The following CELSR1 variants were observed in gnomAD, a reference collection of about 807,000 sequenced individuals.
CELSR1 encodes the protein cadherin EGF LAG seven-pass G-type receptor 1, also known as adhesion G protein-coupled receptor C1.
In CELSR1, 110 loss-of-function variants were observed where a neutral mutation model predicts 249.1. The ratio of observed to expected loss-of-function variants is 0.44; its 90% CI spans 0.38 to 0.52. CELSR1 has a LOEUF of 0.52. Ranked by LOEUF, CELSR1 falls within the 20% of genes least tolerant of loss-of-function variation. The pLI is 0.00. For synonymous variants in CELSR1, 2,113 were observed against 1,900.0 expected (o/e 1.11, Z -2.92); for missense variants, 4,109 against 4,296.4 (o/e 0.96, Z 1.22).
chr22:46,481,867 G>T lies in CELSR1; in HGVS notation c.3545-17522C>A, dbSNP rs748357948. On this transcript the variant is annotated intron_variant, in intron 1 of 34. Coordinates refer to ENST00000674500, the MANE Select transcript of CELSR1 (RefSeq NM_001378328.1). ...AGCTCACTGCAACCTCTGCCTCCCGGGTTCAAGAGATTCTCCTGCCTCAGC... is the reference window on the plus strand; with the variant it reads ...AGCTCACTGCAACCTCTGCCTCCCGTGTTCAAGAGATTCTCCTGCCTCAGC... 157 of 191,496 alleles carry T rather than the reference G, an allele frequency of 8.2e-4. 1 individual carries two copies. The highest frequency in any genetic ancestry group is 2.6e-3 in the Admixed American group (42 of 16,230). The allele number at this position is 191,496 out of a possible 1,614,324, so 11.9% of individuals were successfully genotyped here.
chr22:46,442,468 C>T (rs749170252), intron 2 of CELSR1, among the ~76,000 whole-genome samples: 34 of 151,840 alleles, frequency 2.2e-4, no homozygotes, highest in Non-Finnish European at 4.0e-4. Flanking sequence ...TCCGACCTCC[C>T]CTCTGCCCAG....
chr22:46,365,422 G>C (rs974103437), intron 31 of CELSR1, 42 bp from the exon 32 acceptor site: 2 of 1,605,454 alleles, frequency 1.2e-6, no homozygotes, highest in Non-Finnish European at 1.7e-6. Context: ...GCCCTGGGAG[G>C]TGAGGGAGTC....
chr22:46,444,043 AG>A (rs1436706507), intron 2 of CELSR1, among the ~76,000 whole-genome samples: 1 of 152,180 alleles, frequency 6.6e-6, no homozygotes, highest in Non-Finnish European at 1.5e-5. Context: ...CCCTTCCCAC[AG>A]CCGCTTCTGT....
Position 46,362,807 on chromosome 22 carries a change from G to A in CELSR1, c.*416C>T, listed in dbSNP as rs1602014049. 5 of 283,350 alleles carry A rather than the reference G, an allele frequency of 1.8e-5. No individual in the cohort carries two copies. In the East Asian group the frequency reaches 3.1e-4, roughly 18 times the overall value. The allele number at this position is 283,350 out of a possible 1,614,324, so 17.6% of individuals were successfully genotyped here. ...GCCAGCCACGGGTCCGCACTGCCAT[G>A]AGATGCCCGCCTGGGCGGGGCTGGA... On this transcript the variant is annotated 3_prime_UTR_variant, in exon 35 of 35. Coordinates refer to ENST00000674500, the MANE Select transcript of CELSR1 (RefSeq NM_001378328.1).
chr22:46,501,594 C>T (rs918356772), intron 1 of CELSR1, among the ~76,000 whole-genome samples: 5 of 152,308 alleles, frequency 3.3e-5, no homozygotes, highest in Middle Eastern at 3.4e-3. Context: ...TACGGAAACA[C>T]GCAAATATCC....
rs1171224103 is a variant in CELSR1 at position 46,441,369 on chromosome 22, C to T, written c.4184-1958G>A. Among the ~76,000 whole-genome samples the T allele has an allele frequency of 2.0e-5, 3 of 151,990 alleles. No homozygotes were observed. The highest frequency in any genetic ancestry group is 6.5e-5 in the Admixed American group (1 of 15,270). On this transcript the variant is annotated intron_variant, in intron 2 of 34. Coordinates refer to ENST00000674500, the MANE Select transcript of CELSR1 (RefSeq NM_001378328.1). This position sits in a 1 kb window ranked among gnomAD's most constrained non-coding sequence, Gnocchi z 6.1. ...GAGAGGCCTCCAACCACGCTCCGGA[C>T]GGCCAGTGGGATTCACACAGCCGCT...
rs538127368 is a variant in CELSR1, at chr22:46,390,735, G to A, written c.6251-249C>T. 2.5e-4 allele frequency among the ~76,000 whole-genome samples: 38 copies of A among 152,282 alleles called. No homozygotes were observed. In the East Asian group the frequency reaches 6.6e-3, roughly 26 times the overall value. ...GGAGCCAGCACTTCCGAGCAAGTCC[G>A]TGAGGAAAGAAATCAGCAACACCAT... On this transcript the variant is annotated intron_variant, in intron 16 of 34. Transcript: ENST00000674500. This position sits in a 1 kb window ranked among gnomAD's most constrained non-coding sequence, Gnocchi z 6.3.
intron 32 of CELSR1, 79 bp downstream of exon 32, chr22:46,365,152 G>A: frequency 6.6e-7 from 1 of 1,513,912 alleles, no homozygotes; most frequent in Non-Finnish European, 8.8e-7. Flanking sequence ...CTGGGAGGAA[G>A]GGACCCAGCC....
chr22:46,434,772 G>A lies in CELSR1; in HGVS notation c.4523-1291C>T, dbSNP rs1389737294. On this transcript the variant is annotated intron_variant, in intron 4 of 34. Coordinates refer to ENST00000674500, the MANE Select transcript of CELSR1 (RefSeq NM_001378328.1). This position sits in a 1 kb window ranked among gnomAD's most constrained non-coding sequence, Gnocchi z 4.9. The stretch of plus-strand genomic sequence containing the variant: ...AGCACTTTGGGAGGCCAAGGTGGGC[G>A]GATCACTTGAGGTCAGGAGTTCAAG... 1.1e-4 allele frequency among the ~76,000 whole-genome samples: 16 copies of A among 152,066 alleles called. No homozygotes were observed. The highest frequency in any genetic ancestry group is 3.9e-4 in the East Asian group (2 of 5,174).
chr22:46,384,997 G>A (rs189033355), intron 19 of CELSR1, among the ~76,000 whole-genome samples: 26 of 151,886 alleles, frequency 1.7e-4, no homozygotes, highest in African/African-American at 2.4e-4. Context: ...TCATCATGTC[G>A]GCCAGGCTGG....
intron 2 of CELSR1, among the ~76,000 whole-genome samples, chr22:46,457,451 G>A (rs1454580159): frequency 1.3e-5 from 2 of 152,202 alleles, no homozygotes; most frequent in African/African-American, 4.8e-5. Context: ...GCGCACACAG[G>A]AGGGGCACCC....
intron 12 of CELSR1, 149 bp downstream of exon 12, chr22:46,397,525 G>A (rs771432142): frequency 2.3e-5 from 16 of 681,106 alleles, no homozygotes; most frequent in Non-Finnish European, 1.3e-5. Flanking sequence ...TCTCTAGGAG[G>A]GGCCCGCTTG....
chr22:46,377,322 T>C, intron 23 of CELSR1, 61 bp from the exon 24 acceptor site: 2 of 1,524,230 alleles, frequency 1.3e-6, no homozygotes, highest in Non-Finnish European at 9.0e-7. Flanking sequence ...GATCTGGTCA[T>C]TGCATAACAG....
intron 2 of CELSR1, among the ~76,000 whole-genome samples, chr22:46,455,896 T>C (rs2079943454): frequency 6.6e-6 from 1 of 152,196 alleles, no homozygotes; most frequent in Admixed American, 6.5e-5. Flanking sequence ...AATGAAATAA[T>C]GCCCCAGCTT....
Position 46,441,240 on chromosome 22 carries a change from C to T in CELSR1, c.4184-1829G>A, listed in dbSNP as rs929919350. Among the ~76,000 whole-genome samples, 2 of 152,022 alleles carry T rather than the reference C, an allele frequency of 1.3e-5. No homozygotes were observed. The highest frequency in any genetic ancestry group is 2.9e-5 in the Non-Finnish European group (2 of 67,988). On this transcript the variant is annotated intron_variant, in intron 2 of 34. Coordinates refer to ENST00000674500, the MANE Select transcript of CELSR1 (RefSeq NM_001378328.1). The surrounding 1 kb of genome is among the most constrained non-coding windows in gnomAD (Gnocchi z 6.1). ...ATACTCAGTGCATAACCCAGCATAC[C>T]CTTCAAATGGCAGCATCTTCCTGGA...
chr22:46,526,711 G>A lies in CELSR1; in HGVS notation c.3544+6916C>T, dbSNP rs1448116407. Among the ~76,000 whole-genome samples, 2 of 152,124 alleles carry A rather than the reference G, an allele frequency of 1.3e-5. No homozygotes were observed. The highest frequency in any genetic ancestry group is 4.8e-5 in the African/African-American group (2 of 41,420). On this transcript the variant is annotated intron_variant, in intron 1 of 34. Coordinates refer to ENST00000674500, the MANE Select transcript of CELSR1 (RefSeq NM_001378328.1). The surrounding 1 kb of genome is among the most constrained non-coding windows in gnomAD (Gnocchi z 4.7). Reference sequence around the variant, plus strand: ...TTATTCCTGCTCCAGCTCCCAAGCAGACTGTTCCCCACCCAGGAGGCTATT... The same window carrying A: ...TTATTCCTGCTCCAGCTCCCAAGCAAACTGTTCCCCACCCAGGAGGCTATT...
At chr22:46,373,249 C>G (rs1244654269) in intron 24 of CELSR1, among the ~76,000 whole-genome samples, 192 bp from the exon 25 acceptor site, 1 of 152,220 alleles carries the variant, frequency 6.6e-6, no homozygotes, top group Non-Finnish European at 1.5e-5. Context: ...CACGGAGCAG[C>G]TGAGCCAGCA....
In CELSR1 at chr22:46,445,160, T is replaced by C. The variant is rs537246308; in HGVS notation, c.4184-5749A>G. On this transcript the variant is annotated intron_variant, in intron 2 of 34. Transcript: ENST00000674500. The surrounding 1 kb of genome is among the most constrained non-coding windows in gnomAD (Gnocchi z 4.4). ...GCAGTGAGCCAAGATCACACCACCA[T>C]AGTCCAGTCTGGGTGACAAGAGCGA... Among the ~76,000 whole-genome samples, 6 of 150,636 alleles carry C rather than the reference T, an allele frequency of 4.0e-5. No individual in the cohort carries two copies. Among genetic ancestry groups the C allele is most frequent in the East Asian group, 4.0e-4 (2 of 5,056 alleles).
Position 46,410,325 on chromosome 22 carries a change from G to A in CELSR1, c.4933+73C>T, listed in dbSNP as rs1234319387. The stretch of plus-strand genomic sequence containing the variant: ...GGCTCCCCAGGGATCTGCAAGCAGT[G>A]ACCTCTGTGTGGCTGCCGACGTCCA... On this transcript the variant is annotated intron_variant, in intron 7 of 34. Coordinates refer to ENST00000674500, the MANE Select transcript of CELSR1 (RefSeq NM_001378328.1). This position sits in a 1 kb window ranked among gnomAD's most constrained non-coding sequence, Gnocchi z 6.8. 11 of 1,559,128 alleles carry A rather than the reference G, an allele frequency of 7.1e-6. No individual in the cohort carries two copies. Among genetic ancestry groups the A allele is most frequent in the African/African-American group, 5.4e-5 (4 of 74,014 alleles).
Sources: allele counts gnomAD v4.1 joint callset (sites outside exome capture counted in the v4.1 genomes callset), GRCh38; gene constraint gnomAD v4.1.1; non-coding constraint Gnocchi (gnomAD v3.1); transcripts MANE v1.5; gene names NCBI Gene and HGNC (gene_info 2026-07-23, HGNC 2026-07-21).